Variants in SPEG observed in about 807,000 individuals in gnomAD.
SPEG encodes the protein striated muscle enriched protein kinase.
In SPEG, 114 loss-of-function variants were observed where a neutral mutation model predicts 300.4. The observed-to-expected ratio is 0.38, with a 90% CI of 0.33 to 0.44. The LOEUF (loss-of-function observed/expected upper bound fraction) is 0.44. Among genes scored for constraint, SPEG ranks in the 20% least tolerant of loss-of-function variants. The pLI is 1.00. For synonymous variants in SPEG, 1,964 were observed against 2,018.9 expected, an observed-to-expected ratio of 0.97 and a Z score of 0.73; for missense variants, 4,201 against 4,586.2, an observed-to-expected ratio of 0.92 and a Z score of 2.43.
In SPEG at chr2:219,473,089, G is replaced by A. The variant is rs1227111898; in HGVS notation, c.4140G>A (p.Leu1380=). Residue 1380 remains leucine, a synonymous_variant, in exon 16 of 41, where the codon CTG becomes CTA. Transcript: ENST00000312358. This position sits in a 1 kb window ranked among gnomAD's most constrained non-coding sequence, Gnocchi z 4.6. ...PSPPSEPVQL[L]EHGPTLEEAP... ...CCCCTTCTGAGCCTGTGCAGCTGCT[G>A]GAGCACGGTGAGCCTGGGTGCTCCT... 1.2e-5 allele frequency: 19 copies of A among 1,613,472 alleles called. No homozygotes were observed. Among genetic ancestry groups the A allele is most frequent in the Non-Finnish European group, 1.6e-5 (19 of 1,179,978 alleles).
In SPEG at chr2:219,477,413, T is replaced by C. The variant is rs752123970; in HGVS notation, c.4697T>C (p.Val1566Ala). 1 of 1,599,934 alleles carries C rather than the reference T, an allele frequency of 6.3e-7. No individual in the cohort carries two copies. The highest frequency in any genetic ancestry group is 1.1e-5 in the South Asian group (1 of 88,984). ...TCTAQNLAGEVSCKAELAVHS... is the reference protein window; with the variant it reads ...TCTAQNLAGEASCKAELAVHS... The stretch of plus-strand genomic sequence containing the variant: ...ACCGCCCAGAACCTGGCGGGTGAGG[T>C]CTCCTGCAAAGCAGAGTTGGCTGTG... Residue 1566 changes from valine to alanine, a missense_variant, in exon 20 of 41, where the codon GTC becomes GCC. By Grantham distance (64) the Val-to-Ala change is moderately conservative. Transcript: ENST00000312358. The surrounding 1 kb of genome is among the most constrained non-coding windows in gnomAD (Gnocchi z 6.4).
At chr2:219,447,825 G>C (rs530716647) in intron 3 of SPEG, 149 bp from the exon 4 acceptor site, 1 of 714,690 alleles carries the variant, frequency 1.4e-6, no homozygotes, top group Admixed American at 2.9e-5. Context: ...TGCGCTCCTC[G>C]TGGGGGTGGG....
rs993060575 is a variant in SPEG, at chr2:219,459,891, C to T, written c.2441-1991C>T. Reference sequence around the variant, plus strand: ...CAGCCCTCCTTCCTTACTGGCCATGCTGGGAAACACAGGTCATGGCTTGGG... The same window carrying T: ...CAGCCCTCCTTCCTTACTGGCCATGTTGGGAAACACAGGTCATGGCTTGGG... On this transcript the variant is annotated intron_variant, in intron 6 of 40. Coordinates refer to ENST00000312358, the MANE Select transcript of SPEG (RefSeq NM_005876.5). This position sits in a 1 kb window ranked among gnomAD's most constrained non-coding sequence, Gnocchi z 4.9. 6.6e-6 allele frequency among the ~76,000 whole-genome samples: 1 copy of T among 152,230 alleles called. No individual in the cohort carries two copies. Among genetic ancestry groups the T allele is most frequent in the African/African-American group, 2.4e-5 (1 of 41,464 alleles).
In SPEG at chr2:219,483,595, G is replaced by C. The variant is rs2125554303; in HGVS notation, c.6132G>C (p.Arg2044=). 6.7e-7 allele frequency: 1 copy of C among 1,485,502 alleles called. No individual in the cohort carries two copies. The highest frequency in any genetic ancestry group is 2.3e-5 in the Admixed American group (1 of 43,598). The allele number at this position is 1,485,502 out of a possible 1,614,324, so 92.0% of individuals were successfully genotyped here. The part of the protein sequence containing the change: ...KAASVELPQR[R]SPSPGATRLA... Reference sequence around the variant, plus strand: ...CGTCTGTGGAGCTGCCGCAGCGCCGGAGCCCCAGCCCGGGAGCCACCCGCC... The same window carrying C: ...CGTCTGTGGAGCTGCCGCAGCGCCGCAGCCCCAGCCCGGGAGCCACCCGCC... Residue 2044 remains arginine (R), a synonymous_variant, in exon 30 of 41, where the codon CGG becomes CGC. Coordinates refer to ENST00000312358, the MANE Select transcript of SPEG (RefSeq NM_005876.5).
chr2:219,469,180 C>T lies in SPEG; in HGVS notation c.3516C>T (p.Ser1172=). ...GPSSKLEKMP[S]IPEEPEQGEL... ...GCTCGAAGCTGGAGAAGATGCCATC[C>T]ATTCCCGAGGAGCCAGAGCAGGGTG... Residue 1172 remains serine, a synonymous_variant, in exon 13 of 41, where the codon TCC becomes TCT. Coordinates refer to ENST00000312358, the MANE Select transcript of SPEG (RefSeq NM_005876.5). The T allele has an allele frequency of 6.2e-7, 1 of 1,613,976 alleles. No individual in the cohort carries two copies. Among genetic ancestry groups the T allele is most frequent in the South Asian group, 1.1e-5 (1 of 91,084 alleles).
Position 219,484,567 on chromosome 2 carries a change from G to A in SPEG, c.7104G>A (p.Glu2368=), listed in dbSNP as rs1217103034. 1.9e-6 allele frequency: 3 copies of A among 1,586,596 alleles called. No homozygotes were observed. The highest frequency in any genetic ancestry group is 2.3e-5 in the East Asian group (1 of 43,906). The change falls in exon 30 of 41, where the codon GAG becomes GAA. Residue 2368 remains glutamate, a synonymous_variant. Coordinates refer to ENST00000312358, the MANE Select transcript of SPEG (RefSeq NM_005876.5). The part of the protein sequence containing the change: ...EERGPFRGAE[E]EDGIYRPSPA... Reference sequence around the variant, plus strand: ...GCGGCCCCTTCCGTGGGGCCGAGGAGGAGGATGGCATATACCGGCCCAGCC... The same window carrying A: ...GCGGCCCCTTCCGTGGGGCCGAGGAAGAGGATGGCATATACCGGCCCAGCC...
Position 219,448,770 on chromosome 2 carries a change from C to A in SPEG, c.1612C>A (p.Arg538=). Residue 538 remains arginine, a synonymous_variant, in exon 4 of 41, where the codon CGG becomes AGG. Transcript: ENST00000312358. ...GCCCGGCGAGCCCCCGCTCTTCTCTCGGCCCTCCACCCCCAAGACATCGCG... is the reference window on the plus strand; with the variant it reads ...GCCCGGCGAGCCCCCGCTCTTCTCTAGGCCCTCCACCCCCAAGACATCGCG... The part of the protein sequence containing the change: ...REPGEPPLFS[R]PSTPKTSRAV... 1 of 1,446,638 alleles carries A rather than the reference C, an allele frequency of 6.9e-7. No individual in the cohort carries two copies. The highest frequency in any genetic ancestry group is 1.4e-5 in the South Asian group (1 of 72,106). The allele number at this position is 1,446,638 out of a possible 1,614,324, so 89.6% of individuals were successfully genotyped here. A position where few individuals can be genotyped will look rare whatever the true frequency, so the allele number is the denominator to read the frequency against.
chr2:219,442,119 G>T, intron 1 of SPEG: 1 of 1,171,964 alleles, frequency 8.5e-7, no homozygotes, highest in Admixed American at 4.6e-5. Flanking sequence ...CCGGGAGGGG[G>T]CAGGGAGGCC....
At chr2:219,475,011 C>G (rs938080974) in intron 18 of SPEG, among the ~76,000 whole-genome samples, 2 of 152,050 alleles carry the variant, frequency 1.3e-5, no homozygotes, top group Admixed American at 6.5e-5. Flanking sequence ...TCTGGAACTC[C>G]TGGCCTCAAG....
At chr2:219,478,972 G>T (rs1254688885) in intron 22 of SPEG, among the ~76,000 whole-genome samples, 172 bp from the exon 23 acceptor site, 1 of 152,174 alleles carries the variant, frequency 6.6e-6, no homozygotes, top group Non-Finnish European at 1.5e-5. Flanking sequence ...GCCCTCAGAG[G>T]ACAGGAGGTG....
At position 219,482,572 on chromosome 2, in the gene SPEG, G is replaced by T. The variant is rs566704300; in HGVS notation, c.5566-212G>T. Among the ~76,000 whole-genome samples the T allele has an allele frequency of 3.9e-5, 6 of 152,268 alleles. No individual in the cohort carries two copies. In the South Asian group the frequency reaches 1.2e-3, roughly 32 times the overall value. On this transcript the variant is annotated intron_variant, in intron 28 of 40. Coordinates refer to ENST00000312358, the MANE Select transcript of SPEG (RefSeq NM_005876.5). The stretch of plus-strand genomic sequence containing the variant: ...ACCAGTTTCCTGCCTCTCCCCTGGG[G>T]GGTTCAGGGGATTTGTCTTTAGGTG...
chr2:219,467,053 A>G (rs1691429310), intron 9 of SPEG, 121 bp from the exon 10 acceptor site: 4 of 1,321,528 alleles, frequency 3.0e-6, no homozygotes, highest in Admixed American at 2.5e-5. Flanking sequence ...CCCCATCTCC[A>G]GAGAACAAAA....
At chr2:219,474,630 T>C (rs953118013) in intron 18 of SPEG, among the ~76,000 whole-genome samples, 1 of 152,030 alleles carries the variant, frequency 6.6e-6, no homozygotes, top group African/African-American at 2.4e-5. Flanking sequence ...TTAAACATAA[T>C]AGGAAATAGT....
chr2:219,488,655 G>A lies in SPEG; in HGVS notation c.8016G>A (p.Val2672=), dbSNP rs1693668784. Reference sequence around the variant, plus strand: ...GCAGCATCACCAGCTCCTGTACCGTGGCTGTGGCCCGTGAGCCTGGGGCAG... The same window carrying A: ...GCAGCATCACCAGCTCCTGTACCGTAGCTGTGGCCCGTGAGCCTGGGGCAG... The part of the protein sequence containing the change: ...VLGSITSSCT[V]AVARVPGKLA... The change falls in exon 33 of 41, where the codon GTG becomes GTA. Residue 2672 remains valine (V), a synonymous_variant. Transcript: ENST00000312358. The A allele has an allele frequency of 1.2e-6, 2 of 1,602,660 alleles. No individual in the cohort carries two copies. Among genetic ancestry groups the A allele is most frequent in the East Asian group, 2.2e-5 (1 of 44,692 alleles).
intron 1 of SPEG, chr2:219,442,000 C>A (rs913899336): frequency 2.0e-6 from 1 of 492,112 alleles, no homozygotes. Context: ...TCCGCCCCGC[C>A]CCCGCCCGTC....
At position 219,461,428 on chromosome 2, in the gene SPEG, A is replaced by G. The variant is rs1018581910; in HGVS notation, c.2441-454A>G. ...TTGTCTGCGGTGTGTGTTCCTCTGC[A>G]CCAGGCCCAGCTCACCCAAGAAATG... On this transcript the variant is annotated intron_variant, in intron 6 of 40. Coordinates refer to ENST00000312358, the MANE Select transcript of SPEG (RefSeq NM_005876.5). 7 of 1,026,332 alleles carry G rather than the reference A, an allele frequency of 6.8e-6. No individual in the cohort carries two copies. The African/African-American group carries it at 6.9e-5, about 10-fold the overall frequency. The allele number at this position is 1,026,332 out of a possible 1,614,324, so 63.6% of individuals were successfully genotyped here.
chr2:219,461,618 CT>C, intron 6 of SPEG: 1 of 1,023,370 alleles, frequency 9.8e-7, no homozygotes, highest in Non-Finnish European at 1.3e-6. Context: ...TGCCCGAACC[CT>C]TTGCCCCAGG....
chr2:219,486,567 G>A (rs546018589), intron 31 of SPEG, among the ~76,000 whole-genome samples: 19 of 152,292 alleles, frequency 1.2e-4, no homozygotes, highest in African/African-American at 4.6e-4. Flanking sequence ...CAGCAGAGAG[G>A]CCTGGGGACA....
chr2:219,467,057 A>T, intron 9 of SPEG, 117 bp from the exon 10 acceptor site: 1 of 1,338,600 alleles, frequency 7.5e-7, no homozygotes, highest in South Asian at 1.5e-5. Context: ...ATCTCCAGAG[A>T]ACAAAATGCA....
Sources: gnomAD v4.1 joint callset for allele counts (sites outside exome capture counted in the v4.1 genomes callset) on GRCh38, gnomAD v4.1.1 for gene constraint, Gnocchi (gnomAD v3.1) non-coding constraint, MANE v1.5 for transcripts, NCBI Gene and HGNC (gene_info 2026-07-23, HGNC 2026-07-21) for gene names.